RPS7: variants seen among roughly 807,000 people sequenced by gnomAD.
RPS7 encodes the protein ribosomal protein S7, also known as small ribosomal subunit protein eS7.
A neutral mutation model predicts 22.1 loss-of-function variants in RPS7; 1 was observed. That is an observed-to-expected ratio of 0.05 (90% CI 0.02 to 0.21). RPS7 has a LOEUF of 0.21. Among genes scored for constraint, RPS7 ranks in the 10% least tolerant of loss-of-function variants. RPS7 has a pLI of 1.00. For missense variants in RPS7, 137 were observed against 246.4 expected, an observed-to-expected ratio of 0.56 and a Z score of 2.97; for synonymous variants, 80 against 92.0, an observed-to-expected ratio of 0.87 and a Z score of 0.74.
chr2:3,580,417 C>T, intron 6 of RPS7, 157 bp downstream of exon 6: 1 of 737,452 alleles, frequency 1.4e-6, no homozygotes, highest in Non-Finnish European at 2.5e-6. Context: ...GATTATGTGT[C>T]AGGTGTTAAA....
In RPS7 at chr2:3,578,040, G is replaced by A. The variant is rs1468214875; in HGVS notation, c.356+266G>A. On this transcript the variant is annotated intron_variant, in intron 5 of 6. Coordinates refer to ENST00000645674, the MANE Select transcript of RPS7 (RefSeq NM_001011.4). ...GATTATTTGTGCACAGGATAGGAAT[G>A]ATGAGAAGGAAATCATTACTTTAAT... The A allele has an allele frequency of 8.6e-6, 4 of 464,342 alleles. No homozygotes were observed. The Admixed American group carries it at 1.6e-4, about 18-fold the overall frequency. The allele number at this position is 464,342 out of a possible 1,614,324, so 28.8% of individuals were successfully genotyped here.
intron 3 of RPS7, 110 bp downstream of exon 3, chr2:3,575,998 C>G: frequency 2.4e-6 from 2 of 825,020 alleles, no homozygotes; most frequent in Admixed American, 2.0e-5. Context: ...CGCCTGGCCG[C>G]CTAACCTGAA....
rs376097123 is a variant in RPS7 at position 3,575,731 on chromosome 2, C to T, written c.75+47C>T. ...CTGGGGTGGGGGGAGGCGCCCCGCCCGGGAGGGGAGGCGGCCGCGCGTGTG... is the reference window on the plus strand; with the variant it reads ...CTGGGGTGGGGGGAGGCGCCCCGCCTGGGAGGGGAGGCGGCCGCGCGTGTG... On this transcript the variant is annotated intron_variant, in intron 2 of 6. Transcript: ENST00000645674. 38 of 1,597,336 alleles carry T rather than the reference C, an allele frequency of 2.4e-5. No homozygotes were observed. The African/African-American group carries it at 3.5e-4, about 15-fold the overall frequency.
intron 3 of RPS7, 177 bp from the exon 4 acceptor site, chr2:3,576,310 G>A (rs1661278669): frequency 1.4e-6 from 1 of 693,126 alleles, no homozygotes; most frequent in South Asian, 1.6e-5. Context: ...AAGGAAATGT[G>A]AAGGTTGGAG....
At chr2:3,575,714 G>T (rs1289149502) in intron 2 of RPS7, 30 bp downstream of exon 2, 3 of 1,604,990 alleles carry the variant, frequency 1.9e-6, no homozygotes, top group East Asian at 2.2e-5. Flanking sequence ...GTCTGGGGTG[G>T]GGGGAGGCGC....
At chr2:3,576,696 C>T (rs1193204571) in intron 4 of RPS7, 66 bp downstream of exon 4, 6 of 1,522,654 alleles carry the variant, frequency 3.9e-6, no homozygotes, top group Non-Finnish European at 5.5e-6. Flanking sequence ...TGTATTTAGA[C>T]TGCATTGGTA....
chr2:3,576,462 AGT>A, intron 3 of RPS7, 23 bp from the exon 4 acceptor site: 1 of 1,609,386 alleles, frequency 6.2e-7, no homozygotes, highest in East Asian at 2.2e-5. Flanking sequence ...CAGTTAACAC[AGT>A]GGATTTTTGT....
rs1366825776 is a variant in RPS7 at position 3,576,932 on chromosome 2, CAAG to C, written c.291+306_291+308del. On this transcript the variant is annotated intron_variant, in intron 4 of 6. Coordinates refer to ENST00000645674, the MANE Select transcript of RPS7 (RefSeq NM_001011.4). ...TACGTTCTTTAATTAAGAGTCGAAA[CAAG>C]AAGTCTGTAAAGTGACAGACTGCTG... is the stretch of plus-strand genomic sequence containing the variant. 11 of 398,328 alleles carry C rather than the reference CAAG, an allele frequency of 2.8e-5. No individual in the cohort carries two copies. The East Asian group carries it at 5.1e-4, about 18-fold the overall frequency. The allele number at this position is 398,328 out of a possible 1,614,324, so 24.7% of individuals were successfully genotyped here.
At chr2:3,579,026 G>A (rs2147821703) in intron 5 of RPS7, 1 of 152,246 alleles carries the variant, frequency 6.6e-6, no homozygotes, top group Non-Finnish European at 1.5e-5. Context: ...ATCTAACTCA[G>A]GTTAAATGCT....
intron 6 of RPS7, 171 bp downstream of exon 6, chr2:3,580,431 A>G: frequency 1.4e-6 from 1 of 714,606 alleles, no homozygotes. Context: ...TGTTAAATGG[A>G]GATGTTTCAA....
In RPS7 at chr2:3,575,870, G is replaced by A. The variant is rs375502460; in HGVS notation, c.129G>A (p.Leu43=). The part of the protein sequence containing the change: ...NSDLKAQLRE[L]NITAAKEIEV... ...ACCTCAAGGCTCAGCTCAGGGAGCTGAATATTACGGCAGCTAAGGTAAGCT... is the reference window on the plus strand; with the variant it reads ...ACCTCAAGGCTCAGCTCAGGGAGCTAAATATTACGGCAGCTAAGGTAAGCT... The change falls in exon 3 of 7, where the codon CTG becomes CTA. Residue 43 remains leucine (L), a synonymous_variant. Transcript: ENST00000645674. 6.2e-7 allele frequency: 1 copy of A among 1,610,488 alleles called. No homozygotes were observed. Among genetic ancestry groups the A allele is most frequent in the Admixed American group, 1.7e-5 (1 of 59,896 alleles).
chr2:3,580,365 A>G (rs757207207), intron 6 of RPS7, 105 bp downstream of exon 6: 1 of 1,006,800 alleles, frequency 9.9e-7, no homozygotes, highest in Non-Finnish European at 1.6e-6. Flanking sequence ...TAGTAAACTC[A>G]GGACTAGTTC....
chr2:3,577,800 T>C, intron 5 of RPS7, 26 bp downstream of exon 5: 1 of 1,406,420 alleles, frequency 7.1e-7, no homozygotes, highest in Non-Finnish European at 1.0e-6. Flanking sequence ...GTTTCAGAAA[T>C]GTGTGTACCC....
At position 3,580,496 on chromosome 2, in the gene RPS7, CT is replaced by C. The variant is rs1375978540; in HGVS notation, c.507+240del. 2.5e-5 allele frequency: 16 copies of C among 644,484 alleles called. No homozygotes were observed. In the Admixed American group the frequency reaches 3.8e-4, roughly 15 times the overall value. 39.9% of individuals were successfully genotyped at this position (644,484 alleles called of 1,614,324 possible). The stretch of plus-strand genomic sequence containing the variant: ...TTTGGAAGTAGACTCTTTCTGTGGT[CT>C]TTTAGTTAGGCTGTATATTCTTGGT... On this transcript the variant is annotated intron_variant, in intron 6 of 6. Transcript: ENST00000645674.
rs561201606 is a variant in RPS7 at position 3,580,498 on chromosome 2, TTTAG to T, written c.507+243_507+246del. 4.1e-3 allele frequency: 2,651 copies of T among 644,068 alleles called. 19 individuals carry two copies. Among genetic ancestry groups the T allele is most frequent in the Non-Finnish European group, 5.6e-3 (2,018 of 359,082 alleles). 39.9% of individuals were successfully genotyped at this position (644,068 alleles called of 1,614,324 possible). ...TGGAAGTAGACTCTTTCTGTGGTCT[TTTAG>T]TTAGGCTGTATATTCTTGGTGAGTT... is the stretch of plus-strand genomic sequence containing the variant. On this transcript the variant is annotated intron_variant, in intron 6 of 6. Coordinates refer to ENST00000645674, the MANE Select transcript of RPS7 (RefSeq NM_001011.4).
intron 5 of RPS7, 189 bp downstream of exon 5, chr2:3,577,963 C>T: frequency 1.7e-6 from 1 of 598,594 alleles, no homozygotes; most frequent in South Asian, 2.0e-5. Flanking sequence ...ATTCATGTAG[C>T]CATTGTTTGC....
In RPS7 at chr2:3,576,175, C is replaced by A. The variant is rs572831490; in HGVS notation, c.147+287C>A. The A allele has an allele frequency of 5.1e-6, 3 of 590,192 alleles. No individual in the cohort carries two copies. In the East Asian group the frequency reaches 8.6e-5, roughly 17 times the overall value. The allele number at this position is 590,192 out of a possible 1,614,324, so 36.6% of individuals were successfully genotyped here. On this transcript the variant is annotated intron_variant, in intron 3 of 6. Transcript: ENST00000645674. ...ATTTGCCCTTACTTAGTTATAGATA[C>A]GGCAAAGAGCTGTGGGGAGCTCAGG...
rs1434397220 is a variant in RPS7, at chr2:3,575,702, G to A, written c.75+18G>A. On this transcript the variant is annotated intron_variant, in intron 2 of 6. Transcript: ENST00000645674. ...TCTCCCAGGTGAGAGGGTTTCCCTG[G>A]GGTCTGGGGTGGGGGGAGGCGCCCC... The A allele has an allele frequency of 6.2e-7, 1 of 1,610,292 alleles. No individual in the cohort carries two copies. Among genetic ancestry groups the A allele is most frequent in the Non-Finnish European group, 8.5e-7 (1 of 1,178,156 alleles).
chr2:3,575,948 T>C, intron 3 of RPS7, 60 bp downstream of exon 3: 1 of 1,252,830 alleles, frequency 8.0e-7, no homozygotes, highest in Non-Finnish European at 1.2e-6. Flanking sequence ...GCGCAGTGCC[T>C]GAGAGGGTTG....
Sources: gnomAD v4.1 joint callset for allele counts on GRCh38, gnomAD v4.1.1 for gene constraint, MANE v1.5 for transcripts, NCBI Gene and HGNC (gene_info 2026-07-23, HGNC 2026-07-21) for gene names.